The following NAV3 variants were observed in gnomAD, a reference collection of about 807,000 sequenced individuals.
NAV3 encodes neuron navigator 3, also known as pore membrane and/or filament interacting like protein 1.
A neutral mutation model predicts 244.7 loss-of-function variants in NAV3; 87 were observed. That is an observed-to-expected ratio of 0.36 (90% CI 0.30 to 0.42). The LOEUF (loss-of-function observed/expected upper bound fraction) is 0.42. Among genes scored for constraint, NAV3 ranks in the 20% least tolerant of loss-of-function variants. The pLI is 1.00. For synonymous variants in NAV3, 1,126 were observed against 1,042.2 expected (o/e 1.08, Z -1.55); for missense variants, 2,663 against 2,893.3 (o/e 0.92, Z 1.83).
At chr12:77,752,183 C>A (rs948703183) in intron 2 of NAV3, among the ~76,000 whole-genome samples, 2 of 152,144 alleles carry the variant, frequency 1.3e-5, no homozygotes, top group Non-Finnish European at 2.9e-5. Flanking sequence ...CATTGCCAAA[C>A]CCACAACTGA....
rs545380332 is a variant in NAV3, at chr12:77,778,245, C to T, written c.73-162074C>T. 1.2e-4 allele frequency among the ~76,000 whole-genome samples: 17 copies of T among 147,262 alleles called. No homozygotes were observed. The East Asian group carries it at 3.5e-3, about 30-fold the overall frequency. On this transcript the variant is annotated intron_variant, in intron 2 of 8. Coordinates refer to the NAV3 transcript ENST00000550042. ...CTCCTCTCCTTTCTTCTTTCCTCCC[C>T]CCCGCCCCCCGTCCTTGCTTCCTTT... is the stretch of plus-strand genomic sequence containing the variant.
intron 18 of NAV3, among the ~76,000 whole-genome samples, chr12:78,134,076 T>C (rs1033752037): frequency 1.3e-5 from 2 of 152,204 alleles, no homozygotes; most frequent in African/African-American, 4.8e-5. Context: ...ACTTCTAATA[T>C]CCATCTAATA....
In NAV3 at chr12:78,099,800, T is replaced by TA. The variant is rs199814844; in HGVS notation, c.2637-16964dup. On this transcript the variant is annotated intron_variant, in intron 12 of 39. Coordinates refer to ENST00000397909, the MANE Select transcript of NAV3 (RefSeq NM_001024383.2). Reference sequence around the variant, plus strand: ...ATCTCCTTTGTGATTTCAGCCCATTTAAAAAAAATAGATGTTTCTACTCTC... The same window carrying TA: ...ATCTCCTTTGTGATTTCAGCCCATTTAAAAAAAAATAGATGTTTCTACTCTC... Among the ~76,000 whole-genome samples, 345 of 151,752 alleles carry TA rather than the reference T, an allele frequency of 2.3e-3. 2 individuals are homozygous for TA. The highest frequency in any genetic ancestry group is 7.5e-3 in the African/African-American group (310 of 41,492).
intron 12 of NAV3, among the ~76,000 whole-genome samples, chr12:78,090,651 T>C (rs1397302948): frequency 6.6e-6 from 1 of 152,168 alleles, no homozygotes; most frequent in African/African-American, 2.4e-5. Flanking sequence ...CTGGTTGTAA[T>C]TGACACCATA....
intron 1 of NAV3, among the ~76,000 whole-genome samples, chr12:77,922,257 G>T (rs147782155): frequency 8.5e-5 from 13 of 152,196 alleles, no homozygotes; most frequent in African/African-American, 3.1e-4. Context: ...GAACCAGAGA[G>T]GTTTTTTTGG....
intron 22 of NAV3, among the ~76,000 whole-genome samples, chr12:78,158,487 A>G (rs1957398229): frequency 6.6e-6 from 1 of 152,146 alleles, no homozygotes; most frequent in African/African-American, 2.4e-5. Flanking sequence ...GTACTACAAT[A>G]TGTATAATTC....
intron 23 of NAV3, among the ~76,000 whole-genome samples, chr12:78,160,224 C>T (rs567501118): frequency 3.9e-5 from 6 of 152,164 alleles, no homozygotes; most frequent in South Asian, 2.1e-4. Flanking sequence ...ATTTAGTTCA[C>T]GAAGACAAAT....
chr12:77,936,025 G>A (rs554614221), intron 1 of NAV3, among the ~76,000 whole-genome samples: 2 of 152,198 alleles, frequency 1.3e-5, no homozygotes, highest in African/African-American at 4.8e-5. Flanking sequence ...GAGCTAAACC[G>A]TATCAGTAGG....
intron 24 of NAV3, among the ~76,000 whole-genome samples, chr12:78,170,962 G>A (rs904894924): frequency 1.6e-4 from 24 of 151,798 alleles, no homozygotes; most frequent in Admixed American, 1.3e-3. Flanking sequence ...TACAATAGTA[G>A]AGCTTGTTTT....
At position 77,652,192 on chromosome 12, in the gene NAV3, A is replaced by G. The variant is rs558963829; in HGVS notation, c.72+79926A>G. Among the ~76,000 whole-genome samples, 10 of 152,342 alleles carry G rather than the reference A, an allele frequency of 6.6e-5. No homozygotes were observed. The East Asian group carries it at 1.9e-3, about 29-fold the overall frequency. ...ATTTAACAAATAGCAAATTCCCAAT[A>G]TCATAAATATCTCCATTTTACAGAT... On this transcript the variant is annotated intron_variant, in intron 2 of 8. Transcript: ENST00000550042.
chr12:78,100,683 T>C (rs1169971653), intron 12 of NAV3, among the ~76,000 whole-genome samples: 1 of 152,072 alleles, frequency 6.6e-6, no homozygotes, highest in African/African-American at 2.4e-5. Context: ...TCTAAGATAC[T>C]CTAATTTCTT....
chr12:77,919,271 T>C (rs1395136147), intron 1 of NAV3, among the ~76,000 whole-genome samples: 8 of 152,096 alleles, frequency 5.3e-5, no homozygotes, highest in South Asian at 2.1e-4. Flanking sequence ...TTCTTTGCTT[T>C]GTTAAATCTT....
At chr12:78,059,262 A>G in intron 12 of NAV3, 147 bp downstream of exon 12, 2 of 811,764 alleles carry the variant, frequency 2.5e-6, no homozygotes, top group South Asian at 2.3e-5. Context: ...ATAATTATTT[A>G]GGGTTTTTTT....
At chr12:78,025,370 G>A (rs751363424) in intron 9 of NAV3, among the ~76,000 whole-genome samples, 3 of 151,968 alleles carry the variant, frequency 2.0e-5, no homozygotes, top group Non-Finnish European at 4.4e-5. Context: ...GGCCGAGGGG[G>A]TCAGGTAATG....
chr12:77,683,747 T>G (rs2137124735), intron 2 of NAV3, among the ~76,000 whole-genome samples: 1 of 151,998 alleles, frequency 6.6e-6, no homozygotes, highest in East Asian at 1.9e-4. Context: ...GTTTTTGAGA[T>G]TCTTTTGTTT....
intron 22 of NAV3, among the ~76,000 whole-genome samples, chr12:78,153,488 G>A (rs931985665): frequency 3.9e-5 from 6 of 152,086 alleles, no homozygotes; most frequent in Non-Finnish European, 2.9e-5. Context: ...GCCGCACAAG[G>A]AAAGGCAGAA....
At chr12:77,837,565 A>C (rs1170974799) in intron 1 of NAV3, among the ~76,000 whole-genome samples, 1 of 152,098 alleles carries the variant, frequency 6.6e-6, no homozygotes, top group East Asian at 1.9e-4. Context: ...AGAGAGGTTA[A>C]ATTACTTGCC....
At chr12:77,602,924 T>G (rs997284002) in intron 2 of NAV3, among the ~76,000 whole-genome samples, 9 of 152,074 alleles carry the variant, frequency 5.9e-5, no homozygotes, top group African/African-American at 2.2e-4. Context: ...GCTCTTGCCC[T>G]TAATTCAGAG....
At chr12:77,638,675 A>G (rs906154533) in intron 2 of NAV3, among the ~76,000 whole-genome samples, 4 of 152,240 alleles carry the variant, frequency 2.6e-5, no homozygotes, top group African/African-American at 9.6e-5. Flanking sequence ...GACAGTTTAT[A>G]TAATAATTAT....
Sources: allele counts gnomAD v4.1 joint callset (sites outside exome capture counted in the v4.1 genomes callset), GRCh38; gene constraint gnomAD v4.1.1; transcripts MANE v1.5; gene names NCBI Gene and HGNC (gene_info 2026-07-23, HGNC 2026-07-21).